The following ZBTB20 variants were observed in gnomAD, a reference collection of about 807,000 sequenced individuals.
ZBTB20 encodes zinc finger and BTB domain-containing protein 20.
In ZBTB20, 9 loss-of-function variants were observed where a neutral mutation model predicts 56.9. The observed-to-expected ratio is 0.16, with a 90% CI of 0.10 to 0.28. The LOEUF (loss-of-function observed/expected upper bound fraction) is 0.28. Ranked by LOEUF, ZBTB20 falls within the 10% of genes least tolerant of loss-of-function variation. The pLI, the probability that ZBTB20 is intolerant of heterozygous loss-of-function variation, is 1.00. For synonymous variants in ZBTB20, 417 were observed against 420.7 expected, an observed-to-expected ratio of 0.99 and a Z score of 0.11; for missense variants, 655 against 1,003.0, an observed-to-expected ratio of 0.65 and a Z score of 4.69.
chr3:114,917,099 C>T (rs2075774552), intron 3 of ZBTB20, among the ~76,000 whole-genome samples: 2 of 152,120 alleles, frequency 1.3e-5, no homozygotes, highest in Non-Finnish European at 2.9e-5. Context: ...TGTTTTCAAA[C>T]AGTCCTTCTT....
chr3:114,585,180 G>A (rs1173454526), intron 6 of ZBTB20, among the ~76,000 whole-genome samples: 1 of 152,030 alleles, frequency 6.6e-6, no homozygotes, highest in Non-Finnish European at 1.5e-5. Flanking sequence ...CAGTGTAGGA[G>A]TACTCCCTGC....
intron 2 of ZBTB20, among the ~76,000 whole-genome samples, chr3:114,992,255 C>T (rs1160092270): frequency 6.6e-6 from 1 of 151,938 alleles, no homozygotes; most frequent in Non-Finnish European, 1.5e-5. Flanking sequence ...ATTAGGGCAA[C>T]ATGATCCAAA....
chr3:114,410,473 T>C (rs1277943876), intron 7 of ZBTB20, among the ~76,000 whole-genome samples: 1 of 152,112 alleles, frequency 6.6e-6, no homozygotes, highest in African/African-American at 2.4e-5. Flanking sequence ...ACGGTGGCTG[T>C]AGAAGAATAG....
At chr3:114,912,062 CA>C (rs2075561695) in intron 3 of ZBTB20, among the ~76,000 whole-genome samples, 2 of 149,446 alleles carry the variant, frequency 1.3e-5, no homozygotes, top group South Asian at 4.2e-4. Context: ...AAAAGACAAT[CA>C]GTAGATTTCT....
intron 4 of ZBTB20, among the ~76,000 whole-genome samples, chr3:114,804,096 T>C (rs1372544107): frequency 6.6e-6 from 1 of 152,014 alleles, no homozygotes; most frequent in Admixed American, 6.6e-5. Flanking sequence ...AGAGACCCTT[T>C]AGCAAAAGAG....
intron 6 of ZBTB20, among the ~76,000 whole-genome samples, chr3:114,601,799 G>T (rs559547215): frequency 6.6e-6 from 1 of 151,972 alleles, no homozygotes; most frequent in Non-Finnish European, 1.5e-5. Context: ...GTCATCACAC[G>T]TTGGGAAAAG....
chr3:115,111,943 G>A (rs2083893185), intron 1 of ZBTB20, among the ~76,000 whole-genome samples: 1 of 152,098 alleles, frequency 6.6e-6, no homozygotes, highest in African/African-American at 2.4e-5. Context: ...GAAAAGTGAA[G>A]TAATATGTAG....
At chr3:114,457,735 C>A (rs140997572) in intron 7 of ZBTB20, among the ~76,000 whole-genome samples, 1 of 152,140 alleles carries the variant, frequency 6.6e-6, no homozygotes, top group South Asian at 2.1e-4. Flanking sequence ...TACCAATATC[C>A]GCATTTCATA....
intron 6 of ZBTB20, among the ~76,000 whole-genome samples, chr3:114,670,670 G>A (rs568714848): frequency 2.0e-5 from 3 of 152,122 alleles, no homozygotes; most frequent in Admixed American, 2.0e-4. Flanking sequence ...AAATATTTGG[G>A]GAAAAAGTCT....
Position 114,531,354 on chromosome 3 carries a change from G to C in ZBTB20, c.-294-30963C>G, listed in dbSNP as rs142112107. On this transcript the variant is annotated intron_variant, in intron 6 of 11. Transcript: ENST00000675478. ...CCATTTGAGATTTTAGCCTAAGTTTGAGGACTAGATAAGTGAAGACAGATT... is the reference window on the plus strand; with the variant it reads ...CCATTTGAGATTTTAGCCTAAGTTTCAGGACTAGATAAGTGAAGACAGATT... Among the ~76,000 whole-genome samples the C allele has an allele frequency of 9.2e-5, 14 of 152,300 alleles. No individual in the cohort carries two copies. In the East Asian group the frequency reaches 2.5e-3, roughly 27 times the overall value.
intron 3 of ZBTB20, among the ~76,000 whole-genome samples, chr3:114,914,759 GT>G (rs555516253): frequency 4.3e-4 from 63 of 147,454 alleles, no homozygotes; most frequent in South Asian, 8.6e-4. Flanking sequence ...TTTTTTGAGG[GT>G]TTTTTTTTTA....
At chr3:114,347,465 C>T (rs1288509671) in intron 11 of ZBTB20, among the ~76,000 whole-genome samples, 1 of 152,080 alleles carries the variant, frequency 6.6e-6, no homozygotes, top group Non-Finnish European at 1.5e-5. Context: ...TCTTTTTATA[C>T]TAACATTTGG....
intron 10 of ZBTB20, among the ~76,000 whole-genome samples, chr3:114,375,610 C>G (rs947444707): frequency 6.6e-6 from 1 of 152,216 alleles, no homozygotes; most frequent in Non-Finnish European, 1.5e-5. Context: ...TCAAGTTGTT[C>G]TAATGGCCCC....
chr3:115,022,429 C>T (rs1484606194), intron 2 of ZBTB20, among the ~76,000 whole-genome samples: 5 of 151,006 alleles, frequency 3.3e-5, no homozygotes, highest in African/African-American at 1.2e-4. Context: ...ACAATGTTGA[C>T]CTTCAGTGCC....
intron 4 of ZBTB20, among the ~76,000 whole-genome samples, chr3:114,839,245 A>G (rs1160180859): frequency 6.6e-6 from 1 of 152,004 alleles, no homozygotes; most frequent in Non-Finnish European, 1.5e-5. Context: ...GACAAAAAAT[A>G]CAAAACTGTG....
chr3:114,681,447 C>T (rs2061969644), intron 6 of ZBTB20, among the ~76,000 whole-genome samples: 1 of 152,192 alleles, frequency 6.6e-6, no homozygotes, highest in Non-Finnish European at 1.5e-5. Context: ...AGGCGTGAGC[C>T]ACCACGCCCA....
At chr3:114,536,370 A>G (rs1424290185) in intron 6 of ZBTB20, among the ~76,000 whole-genome samples, 1 of 152,200 alleles carries the variant, frequency 6.6e-6, no homozygotes, top group Non-Finnish European at 1.5e-5. Context: ...CCAAATCATG[A>G]GTGAACTTCC....
intron 6 of ZBTB20, among the ~76,000 whole-genome samples, chr3:114,660,893 GGAGA>G (rs1258310196): frequency 6.6e-6 from 1 of 152,010 alleles, no homozygotes; most frequent in Admixed American, 6.6e-5. Context: ...GATGGGGGGT[GGAGA>G]GAGAGACAGC....
intron 7 of ZBTB20, among the ~76,000 whole-genome samples, chr3:114,466,872 A>G (rs2092574597): frequency 1.3e-5 from 2 of 152,218 alleles, no homozygotes; most frequent in African/African-American, 2.4e-5. Flanking sequence ...CACGATGCAA[A>G]TAAGTTAATA....
Sources: gnomAD v4.1 joint callset for allele counts (sites outside exome capture counted in the v4.1 genomes callset) on GRCh38, gnomAD v4.1.1 for gene constraint, MANE v1.5 for transcripts, NCBI Gene and HGNC (gene_info 2026-07-23, HGNC 2026-07-21) for gene names.